MACROD2: variants seen among roughly 807,000 people sequenced by gnomAD.
MACROD2 encodes the protein ADP-ribose glycohydrolase MACROD2.
MACROD2 carries 36 observed loss-of-function variants against 70.4 expected under a neutral mutation model. That is an observed-to-expected ratio of 0.51 (90% CI 0.39 to 0.68). The LOEUF is 0.68. Among genes scored for constraint, MACROD2 ranks in the 30% least tolerant of loss-of-function variants. MACROD2 has a pLI of 0.00. For synonymous variants in MACROD2, 172 were observed against 178.8 expected, an observed-to-expected ratio of 0.96 and a Z score of 0.30; for missense variants, 496 against 538.4, an observed-to-expected ratio of 0.92 and a Z score of 0.78.
At chr20:14,477,672 C>G (rs563122184) in intron 3 of MACROD2, among the ~76,000 whole-genome samples, 2 of 152,106 alleles carry the variant, frequency 1.3e-5, no homozygotes, top group South Asian at 4.2e-4. Context: ...CTAACAATGA[C>G]TCCATACACT....
intron 2 of MACROD2, among the ~76,000 whole-genome samples, chr20:14,076,451 A>G (rs2053917425): frequency 2.0e-5 from 3 of 151,952 alleles, no homozygotes; most frequent in Admixed American, 1.3e-4. Context: ...AGGAGTTCAA[A>G]ATCAGTCTGG....
chr20:15,383,237 C>G (rs569419766), intron 6 of MACROD2, among the ~76,000 whole-genome samples: 3 of 152,056 alleles, frequency 2.0e-5, no homozygotes, highest in African/African-American at 7.2e-5. Flanking sequence ...CAGAATAATC[C>G]CCAAACATGT....
intron 3 of MACROD2, among the ~76,000 whole-genome samples, chr20:14,353,033 A>G (rs1488081308): frequency 1.3e-5 from 2 of 152,158 alleles, no homozygotes; most frequent in African/African-American, 4.8e-5. Context: ...ATATTTGTTT[A>G]ATTAAAATTA....
chr20:15,001,526 ATAT>A (rs1004322384), intron 5 of MACROD2, among the ~76,000 whole-genome samples: 1 of 152,022 alleles, frequency 6.6e-6, no homozygotes, highest in South Asian at 2.1e-4. Flanking sequence ...TATTTATAAC[ATAT>A]TATTATTATT....
intron 12 of MACROD2, 100 bp from the exon 13 acceptor site, chr20:15,967,453 T>A: frequency 3.0e-6 from 3 of 988,250 alleles, no homozygotes; most frequent in Non-Finnish European, 4.5e-6. Flanking sequence ...ACGAATAAAT[T>A]CTATTTTTCC....
Position 14,854,940 on chromosome 20 carries a change from C to T in MACROD2, c.418+169981C>T, listed in dbSNP as rs1023796510. 3.3e-5 allele frequency among the ~76,000 whole-genome samples: 5 copies of T among 151,918 alleles called. 1 individual carries two copies. Among genetic ancestry groups the T allele is most frequent in the Non-Finnish European group, 5.9e-5 (4 of 67,980 alleles). On this transcript the variant is annotated intron_variant, in intron 5 of 17. Transcript: ENST00000684519. Reference sequence around the variant, plus strand: ...CTGAGGCAGGAGAATGGCGTGAACCCGGCAGACGGAGCTTGCAGTGAGCCG... The same window carrying T: ...CTGAGGCAGGAGAATGGCGTGAACCTGGCAGACGGAGCTTGCAGTGAGCCG...
chr20:14,828,055 A>ATCCT, intron 5 of MACROD2, among the ~76,000 whole-genome samples: 3 of 152,128 alleles, frequency 2.0e-5, no homozygotes, highest in Non-Finnish European at 4.4e-5. Context: ...GGCATAATAA[A>ATCCT]GAAAATAAAG....
intron 5 of MACROD2, among the ~76,000 whole-genome samples, chr20:14,797,802 G>T (rs192042827): frequency 1.3e-5 from 2 of 151,956 alleles, no homozygotes; most frequent in East Asian, 3.9e-4. Flanking sequence ...TGCTTTACTT[G>T]ACCTTTGTAT....
At chr20:14,654,275 G>A (rs1057230152) in intron 4 of MACROD2, among the ~76,000 whole-genome samples, 11 of 151,568 alleles carry the variant, frequency 7.3e-5, no homozygotes, top group Non-Finnish European at 1.6e-4. Flanking sequence ...GGCTAGTCTC[G>A]GTGGCTCACA....
At position 15,421,656 on chromosome 20, in the gene MACROD2, G is replaced by A. The variant is rs117322074; in HGVS notation, c.541-9749G>A. On this transcript the variant is annotated intron_variant, in intron 6 of 17. Transcript: ENST00000684519. The stretch of plus-strand genomic sequence containing the variant: ...ATAGAAGAAAAATATGGCGATGCTT[G>A]TATAGATCTTATAACTTAATCATTT... Among the ~76,000 whole-genome samples the A allele has an allele frequency of 1.4e-4, 21 of 152,330 alleles. No homozygotes were observed. The East Asian group carries it at 3.9e-3, about 28-fold the overall frequency.
At chr20:14,998,048 G>T (rs1224702138) in intron 5 of MACROD2, among the ~76,000 whole-genome samples, 1 of 152,212 alleles carries the variant, frequency 6.6e-6, no homozygotes, top group Non-Finnish European at 1.5e-5. Flanking sequence ...GGCTTGGAAT[G>T]CCTCCTAATG....
At chr20:15,273,989 G>A (rs374375869) in intron 6 of MACROD2, among the ~76,000 whole-genome samples, 5 of 152,282 alleles carry the variant, frequency 3.3e-5, no homozygotes, top group African/African-American at 1.2e-4. Flanking sequence ...AACAACAGTA[G>A]CTATTATTGT....
intron 3 of MACROD2, among the ~76,000 whole-genome samples, chr20:14,241,300 T>G (rs2081927647): frequency 6.6e-6 from 1 of 152,120 alleles, no homozygotes; most frequent in Non-Finnish European, 1.5e-5. Context: ...AAAAATAAAT[T>G]TACATTTGTT....
chr20:14,362,501 C>T (rs2122722374), intron 3 of MACROD2, among the ~76,000 whole-genome samples: 2 of 152,310 alleles, frequency 1.3e-5, no homozygotes, highest in East Asian at 3.9e-4. Flanking sequence ...TCATTCCTAC[C>T]ATTCATGCCT....
intron 9 of MACROD2, among the ~76,000 whole-genome samples, chr20:15,873,324 AT>A (rs1347620744): frequency 6.6e-6 from 1 of 151,928 alleles, no homozygotes; most frequent in Admixed American, 6.6e-5. Context: ...ATGAGAGTTT[AT>A]TTTTTTCCTA....
chr20:14,452,622 T>C (rs1448430421), intron 3 of MACROD2, among the ~76,000 whole-genome samples: 1 of 152,130 alleles, frequency 6.6e-6, no homozygotes, highest in African/African-American at 2.4e-5. Context: ...AACTGCATTA[T>C]TTCCGGATTT....
intron 8 of MACROD2, among the ~76,000 whole-genome samples, chr20:15,646,298 C>A (rs866481857): frequency 1.3e-5 from 2 of 152,152 alleles, no homozygotes; most frequent in Non-Finnish European, 2.9e-5. Flanking sequence ...AAGAACTAAA[C>A]CTTCTGATGA....
At chr20:14,082,638 A>T (rs2054014849) in intron 2 of MACROD2, among the ~76,000 whole-genome samples, 1 of 152,184 alleles carries the variant, frequency 6.6e-6, no homozygotes, top group South Asian at 2.1e-4. Context: ...TCTTAGAGCT[A>T]AAAGCAGTTA....
intron 6 of MACROD2, among the ~76,000 whole-genome samples, chr20:15,260,202 C>T (rs1430699258): frequency 2.0e-5 from 3 of 151,146 alleles, no homozygotes; most frequent in Non-Finnish European, 4.4e-5. Context: ...TCATAGTTGC[C>T]CTATTGTGAT....
Sources: gnomAD v4.1 joint callset for allele counts (sites outside exome capture counted in the v4.1 genomes callset) on GRCh38, gnomAD v4.1.1 for gene constraint, MANE v1.5 for transcripts, NCBI Gene and HGNC (gene_info 2026-07-23, HGNC 2026-07-21) for gene names.